The following ELOVL6 variants were observed in gnomAD, a reference collection of about 807,000 sequenced individuals.
ELOVL6 encodes ELOVL fatty acid elongase 6, also known as very long chain fatty acid elongase 6.
ELOVL6 carries 8 observed loss-of-function variants against 31.7 expected under a neutral mutation model. That is an observed-to-expected ratio of 0.25 (90% CI 0.15 to 0.45). The LOEUF is 0.45. Among genes scored for constraint, ELOVL6 ranks in the 20% least tolerant of loss-of-function variants. ELOVL6 has a pLI of 1.00. For missense variants in ELOVL6, 126 were observed against 326.4 expected (o/e 0.39, Z 4.73); for synonymous variants, 101 against 117.7 (o/e 0.86, Z 0.92).
chr4:110,093,668 CT>C, intron 2 of ELOVL6, among the ~76,000 whole-genome samples: 1 of 152,128 alleles, frequency 6.6e-6, no homozygotes, highest in Non-Finnish European at 1.5e-5. Flanking sequence ...TCCCTTATTA[CT>C]TTTTTAAAGA....
intron 1 of ELOVL6, among the ~76,000 whole-genome samples, chr4:110,189,860 G>T (rs1453948483): frequency 3.3e-5 from 5 of 151,510 alleles, no homozygotes; most frequent in Admixed American, 6.6e-5. Flanking sequence ...CCAGCTACTC[G>T]GGAGGCTGAG....
chr4:110,149,296 A>G (rs79501123), intron 1 of ELOVL6, among the ~76,000 whole-genome samples: 6,173 of 152,350 alleles, frequency 0.041, 201 homozygotes, highest in East Asian at 0.16. Flanking sequence ...CCCAAAGGAA[A>G]TGAAATCATT....
At chr4:110,158,059 G>GT (rs2126267937) in intron 1 of ELOVL6, among the ~76,000 whole-genome samples, 1 of 152,262 alleles carries the variant, frequency 6.6e-6, no homozygotes, top group Non-Finnish European at 1.5e-5. Flanking sequence ...AACTGTATTT[G>GT]TCAAGTTAGT....
At chr4:110,189,612 AAAGAG>A (rs1759552055) in intron 1 of ELOVL6, among the ~76,000 whole-genome samples, 1 of 145,772 alleles carries the variant, frequency 6.9e-6, no homozygotes, top group East Asian at 2.1e-4. Flanking sequence ...AAAAAAAAAA[AAAGAG>A]AGAGAGAGAG....
intron 2 of ELOVL6, among the ~76,000 whole-genome samples, chr4:110,079,087 A>G (rs1171008197): frequency 6.6e-6 from 1 of 152,216 alleles, no homozygotes; most frequent in Non-Finnish European, 1.5e-5. Context: ...CAGATTCATA[A>G]AGCAAGTCCT....
chr4:110,192,172 A>G (rs925987457), intron 1 of ELOVL6, among the ~76,000 whole-genome samples: 1 of 150,992 alleles, frequency 6.6e-6, no homozygotes, highest in African/African-American at 2.4e-5. Context: ...CCTGGGCAAC[A>G]AGGGCAAAAC....
intron 1 of ELOVL6, among the ~76,000 whole-genome samples, chr4:110,127,405 T>G (rs1325198134): frequency 9.3e-5 from 1 of 10,718 alleles, no homozygotes. Flanking sequence ...AGATTCCGTC[T>G]CAAAAAAAAA....
intron 1 of ELOVL6, among the ~76,000 whole-genome samples, chr4:110,137,221 T>C (rs75255625): frequency 0.023 from 3,568 of 152,300 alleles, 134 homozygotes; most frequent in East Asian, 0.17. Flanking sequence ...TAGAATTCCG[T>C]GATTCTCTGA....
At chr4:110,180,603 A>G (rs1759242276) in intron 1 of ELOVL6, among the ~76,000 whole-genome samples, 2 of 152,082 alleles carry the variant, frequency 1.3e-5, no homozygotes, top group Non-Finnish European at 2.9e-5. Flanking sequence ...AGTTCTCACC[A>G]TGTTGCCCAG....
Position 110,179,105 on chromosome 4 carries a change from T to TA in ELOVL6, c.89+19141dup, listed in dbSNP as rs1027523773. The stretch of plus-strand genomic sequence containing the variant: ...AGTTCTCTACGTTAGGTAAAATCTT[T>TA]AAAAAAAAAAAGATTATATGTATAC... On this transcript the variant is annotated intron_variant, in intron 1 of 3. Transcript: ENST00000302274. Among the ~76,000 whole-genome samples the TA allele has an allele frequency of 7.4e-3, 1,079 of 146,502 alleles. 13 individuals carry two copies. The highest frequency in any genetic ancestry group is 0.025 in the African/African-American group (997 of 40,268).
intron 2 of ELOVL6, among the ~76,000 whole-genome samples, chr4:110,084,321 A>AC (rs1344201892): frequency 1.3e-5 from 1 of 75,064 alleles, no homozygotes; most frequent in South Asian, 4.3e-4. Context: ...AACATATATA[A>AC]ATTTGATATA....
At chr4:110,127,420 A>G (rs868804370) in intron 1 of ELOVL6, among the ~76,000 whole-genome samples, 1 of 150,646 alleles carries the variant, frequency 6.6e-6, no homozygotes, top group African/African-American at 2.5e-5. Context: ...AAAAAAAAAA[A>G]AAAAAGAAAA....
At chr4:110,084,615 G>T (rs1201412959) in intron 2 of ELOVL6, among the ~76,000 whole-genome samples, 12 of 63,840 alleles carry the variant, frequency 1.9e-4, no homozygotes, top group Admixed American at 1.5e-3. Context: ...TTTTTTTTGA[G>T]ATGGAGTCTT....
intron 1 of ELOVL6, among the ~76,000 whole-genome samples, chr4:110,179,835 C>A (rs941397035): frequency 3.3e-5 from 5 of 152,152 alleles, no homozygotes; most frequent in African/African-American, 1.2e-4. Flanking sequence ...TATATTCTTT[C>A]CACTGAGTAA....
At position 110,072,469 on chromosome 4, in the gene ELOVL6, C is replaced by T. The variant is rs544989964; in HGVS notation, c.222-12715G>A. ...CCAGCCTGGTGACAGAGAGAGACTC[C>T]GTCTCAAAAAAAATCCTTTGTACTA... On this transcript the variant is annotated intron_variant, in intron 2 of 3. Transcript: ENST00000302274. 9.9e-5 allele frequency among the ~76,000 whole-genome samples: 15 copies of T among 151,910 alleles called. No individual in the cohort carries two copies. In the South Asian group the frequency reaches 2.9e-3, roughly 29 times the overall value.
At chr4:110,145,348 C>T (rs1758076362) in intron 1 of ELOVL6, among the ~76,000 whole-genome samples, 1 of 152,168 alleles carries the variant, frequency 6.6e-6, no homozygotes, top group African/African-American at 2.4e-5. Context: ...CACAAATATA[C>T]ATGATATCCA....
At chr4:110,084,091 A>C (rs1251644100) in intron 2 of ELOVL6, among the ~76,000 whole-genome samples, 1 of 109,846 alleles carries the variant, frequency 9.1e-6, no homozygotes, top group South Asian at 3.2e-4. Context: ...TATGATATAT[A>C]ACATATATAT....
chr4:110,054,443 C>T (rs889721288), intron 3 of ELOVL6, among the ~76,000 whole-genome samples: 3 of 152,194 alleles, frequency 2.0e-5, no homozygotes, highest in African/African-American at 7.2e-5. Flanking sequence ...TTCCAGCTAC[C>T]TTGGTTCATA....
At chr4:110,160,646 C>G (rs1758605903) in intron 1 of ELOVL6, among the ~76,000 whole-genome samples, 1 of 152,140 alleles carries the variant, frequency 6.6e-6, no homozygotes. Flanking sequence ...CAATTAAATA[C>G]TAAAAATATG....
Sources: allele counts gnomAD v4.1 joint callset (sites outside exome capture counted in the v4.1 genomes callset), GRCh38; gene constraint gnomAD v4.1.1; transcripts MANE v1.5; gene names NCBI Gene and HGNC (gene_info 2026-07-23, HGNC 2026-07-21).